ANO6: variants seen among roughly 807,000 people sequenced by gnomAD.
ANO6 encodes anoctamin 6, also known as anoctamin-6.
Under a neutral mutation model 117.5 loss-of-function variants are expected in ANO6, and 106 were observed. That is an observed-to-expected ratio of 0.90 (90% CI 0.77 to 1.06). The LOEUF (loss-of-function observed/expected upper bound fraction) is 1.06. Among genes scored for constraint, ANO6 ranks in the 50% least tolerant of loss-of-function variants. The pLI, the probability that ANO6 is intolerant of heterozygous loss-of-function variation, is 0.00. For missense variants in ANO6, 955 were observed against 1,121.1 expected, an observed-to-expected ratio of 0.85 and a Z score of 2.12; for synonymous variants, 367 against 385.1, an observed-to-expected ratio of 0.95 and a Z score of 0.55.
intron 1 of ANO6, among the ~76,000 whole-genome samples, chr12:45,241,248 T>G (rs1466915900): frequency 6.6e-6 from 1 of 152,230 alleles, no homozygotes; most frequent in Non-Finnish European, 1.5e-5. Flanking sequence ...TTTGTTCGTT[T>G]CTTTTTCTTC....
In ANO6 at chr12:45,403,147, A is replaced by G; in HGVS notation, c.1688A>G (p.Tyr563Cys). The change falls in exon 14 of 20, where the codon TAC (tyrosine) becomes TGC (cysteine). Residue 563 changes from tyrosine (Y) to cysteine (C), a missense_variant. By Grantham distance (194) the Tyr-to-Cys change is radical (BLOSUM62 -2). Coordinates refer to ENST00000320560, the MANE Select transcript of ANO6 (RefSeq NM_001025356.3). Reference protein sequence around the residue: ...KMFLFQFVNYYSSCFYIAFFK... With the variant: ...KMFLFQFVNYCSSCFYIAFFK... ...TTCTTATTCCAGTTTGTCAACTACTACTCTTCATGCTTCTACATAGCATTC... is the reference window on the plus strand; with the variant it reads ...TTCTTATTCCAGTTTGTCAACTACTGCTCTTCATGCTTCTACATAGCATTC... 1 of 1,613,726 alleles carries G rather than the reference A, an allele frequency of 6.2e-7. No individual in the cohort carries two copies. Among genetic ancestry groups the G allele is most frequent in the Non-Finnish European group, 8.5e-7 (1 of 1,179,852 alleles).
intron 7 of ANO6, among the ~76,000 whole-genome samples, chr12:45,354,956 T>C (rs577849543): frequency 3.3e-5 from 5 of 152,190 alleles, no homozygotes; most frequent in African/African-American, 9.6e-5. Flanking sequence ...AGAAAGTCAA[T>C]AGGTGATGCA....
intron 19 of ANO6, among the ~76,000 whole-genome samples, chr12:45,438,536 C>T (rs1031383683): frequency 6.6e-6 from 1 of 152,120 alleles, no homozygotes; most frequent in African/African-American, 2.4e-5. Flanking sequence ...ACACTTTGTT[C>T]AGCATCCCCA....
intron 2 of ANO6, among the ~76,000 whole-genome samples, chr12:45,330,019 C>T (rs927230591): frequency 1.3e-5 from 2 of 152,070 alleles, no homozygotes; most frequent in African/African-American, 2.4e-5. Context: ...TTTCCTAGCC[C>T]TTTATTGCCC....
chr12:45,318,337 C>T (rs1940125299), intron 2 of ANO6, among the ~76,000 whole-genome samples: 1 of 152,210 alleles, frequency 6.6e-6, no homozygotes, highest in South Asian at 2.1e-4. Flanking sequence ...CAGCTCTCTA[C>T]ATATGGCTAG....
chr12:45,380,146 A>G (rs1362305160), intron 10 of ANO6, among the ~76,000 whole-genome samples: 1 of 152,190 alleles, frequency 6.6e-6, no homozygotes, highest in East Asian at 1.9e-4. Context: ...TATAATATAA[A>G]TCATATACGT....
At chr12:45,368,285 G>C (rs1024577110) in intron 9 of ANO6, among the ~76,000 whole-genome samples, 2 of 152,136 alleles carry the variant, frequency 1.3e-5, no homozygotes, top group African/African-American at 4.8e-5. Flanking sequence ...TACTCAAAAA[G>C]CTTTGGATTT....
At chr12:45,336,543 A>G (rs995846048) in intron 3 of ANO6, among the ~76,000 whole-genome samples, 1 of 152,078 alleles carries the variant, frequency 6.6e-6, no homozygotes, top group East Asian at 1.9e-4. Context: ...TAGTGACATC[A>G]TAGCTGTCTT....
At chr12:45,328,396 G>A (rs1170031646) in intron 2 of ANO6, among the ~76,000 whole-genome samples, 2 of 151,640 alleles carry the variant, frequency 1.3e-5, no homozygotes, top group Non-Finnish European at 2.9e-5. Context: ...TGTTTTTCTT[G>A]AACTTTGTAG....
Position 45,257,297 on chromosome 12 carries a change from A to G in ANO6, c.70+40906A>G, listed in dbSNP as rs1186611375. ...TCAGAGCCCCATCCAGGCCATCTCCACCAGGGTGCACCCCTCTGCCCAGCC... is the reference window on the plus strand; with the variant it reads ...TCAGAGCCCCATCCAGGCCATCTCCGCCAGGGTGCACCCCTCTGCCCAGCC... On this transcript the variant is annotated intron_variant, in intron 1 of 19. Transcript: ENST00000320560. Among the ~76,000 whole-genome samples, 8 of 152,062 alleles carry G rather than the reference A, an allele frequency of 5.3e-5. 1 individual carries two copies.
chr12:45,244,641 G>A (rs910596179), intron 1 of ANO6, among the ~76,000 whole-genome samples: 12 of 152,116 alleles, frequency 7.9e-5, no homozygotes, highest in African/African-American at 2.7e-4. Context: ...TTTGTTAACT[G>A]CATGGTGCCG....
At chr12:45,308,095 A>G (rs11182968) in intron 2 of ANO6, among the ~76,000 whole-genome samples, 131,093 of 133,342 alleles carry the variant, frequency 0.98, 64,516 homozygotes, top group Middle Eastern at 1. Context: ...CACAGAGAAA[A>G]GGGGTAGTAC....
chr12:45,218,054 CTCTTTTTATTTTTAATGA>C (rs930840894), intron 1 of ANO6, among the ~76,000 whole-genome samples: 1 of 152,132 alleles, frequency 6.6e-6, no homozygotes, highest in African/African-American at 2.4e-5. Context: ...TGGCAGTAAG[CTCTTTTTATTTTTAATGA>C]CATGTCATTC....
intron 15 of ANO6, among the ~76,000 whole-genome samples, chr12:45,405,678 G>C (rs1050753431): frequency 2.0e-5 from 3 of 152,196 alleles, no homozygotes; most frequent in African/African-American, 7.2e-5. Context: ...GGGAGGCCAA[G>C]GTGGTCAGAT....
intron 2 of ANO6, among the ~76,000 whole-genome samples, chr12:45,322,292 G>GATAGGTGGTAAGGA (rs1940304970): frequency 1.3e-4 from 1 of 7,836 alleles, no homozygotes; most frequent in Admixed American, 2.7e-3. Flanking sequence ...TTAAGATTTG[G>GATAGGTGGTAAGGA]ATAGGTGGTT....
chr12:45,342,017 T>G (rs948138800), intron 3 of ANO6, among the ~76,000 whole-genome samples: 9 of 152,096 alleles, frequency 5.9e-5, no homozygotes, highest in Non-Finnish European at 1.2e-4. Flanking sequence ...TGAAGCTGTT[T>G]TTTCCCTCTA....
intron 8 of ANO6, among the ~76,000 whole-genome samples, chr12:45,366,749 C>A (rs1399675180): frequency 6.6e-6 from 1 of 152,084 alleles, no homozygotes. Context: ...TAGTGTAGGC[C>A]TTCTTTACTG....
intron 12 of ANO6, among the ~76,000 whole-genome samples, chr12:45,400,348 T>C (rs1243029928): frequency 1.3e-5 from 2 of 152,166 alleles, no homozygotes; most frequent in Non-Finnish European, 2.9e-5. Context: ...GATGACTTGA[T>C]TCATCTTTTT....
At chr12:45,382,397 T>C (rs1023936862) in intron 10 of ANO6, among the ~76,000 whole-genome samples, 12 of 152,208 alleles carry the variant, frequency 7.9e-5, no homozygotes, top group African/African-American at 2.9e-4. Flanking sequence ...TTAATGTGCT[T>C]AGTCACAACA....
Sources: gnomAD v4.1 joint callset for allele counts (sites outside exome capture counted in the v4.1 genomes callset) on GRCh38, gnomAD v4.1.1 for gene constraint, MANE v1.5 for transcripts, NCBI Gene and HGNC (gene_info 2026-07-23, HGNC 2026-07-21) for gene names.